Variants in SLC41A2 observed in about 807,000 individuals in gnomAD.
SLC41A2 encodes SLC41A1-like 1.
In SLC41A2, 32 loss-of-function variants were observed where a neutral mutation model predicts 58.3. The ratio of observed to expected loss-of-function variants is 0.55; its 90% CI spans 0.41 to 0.74. SLC41A2 has a LOEUF of 0.74. Ranked by LOEUF, SLC41A2 falls within the 30% of genes least tolerant of loss-of-function variation. The pLI is 0.00. For synonymous variants in SLC41A2, 190 were observed against 235.0 expected (o/e 0.81, Z 1.75); for missense variants, 514 against 680.6 (o/e 0.76, Z 2.72).
chr12:104,953,541 C>G (rs1373685509), intron 1 of SLC41A2, among the ~76,000 whole-genome samples: 9 of 152,212 alleles, frequency 5.9e-5, no homozygotes, highest in Admixed American at 5.9e-4. Flanking sequence ...CTTTCTTGGA[C>G]TTGCTGTGCC....
chr12:104,889,159 C>T lies in SLC41A2; in HGVS notation c.754G>A (p.Gly252Ser). Reference sequence around the variant, plus strand: ...ATTGCTGCCACAGCTGCTAGAAAACCCACTACTGTTGCCTGAACCTAAAAT... The same window carrying T: ...ATTGCTGCCACAGCTGCTAGAAAACTCACTACTGTTGCCTGAACCTAAAAT... ...ALKQVQATVV[G>S]FLAAVAAIIL... The change falls in exon 5 of 11, where the codon GGT (glycine) becomes AGT (serine). Residue 252 changes from glycine to serine, a missense_variant. By Grantham distance (56) the Gly-to-Ser change is moderately conservative. Transcript: ENST00000258538. 6.2e-7 allele frequency: 1 copy of T among 1,607,444 alleles called. No homozygotes were observed. The highest frequency in any genetic ancestry group is 8.5e-7 in the Non-Finnish European group (1 of 1,178,280).
chr12:104,886,589 T>C, intron 5 of SLC41A2, 150 bp from the exon 6 acceptor site: 2 of 784,256 alleles, frequency 2.6e-6, no homozygotes, highest in East Asian at 2.7e-5. Context: ...ACATTTACTC[T>C]AACGCTTTGG....
At chr12:104,902,132 G>T (rs758639775) in intron 3 of SLC41A2, among the ~76,000 whole-genome samples, 6 of 150,482 alleles carry the variant, frequency 4.0e-5, no homozygotes, top group Non-Finnish European at 8.9e-5. Flanking sequence ...TATTGTTTTT[G>T]CACATAAATG....
At chr12:104,909,185 T>C (rs967603724) in intron 3 of SLC41A2, among the ~76,000 whole-genome samples, 2 of 152,222 alleles carry the variant, frequency 1.3e-5, no homozygotes, top group East Asian at 1.9e-4. Context: ...TATATAAGCA[T>C]AGATATGCAG....
chr12:104,880,903 T>A (rs181207898), intron 6 of SLC41A2, among the ~76,000 whole-genome samples: 2 of 152,274 alleles, frequency 1.3e-5, no homozygotes, highest in African/African-American at 4.8e-5. Context: ...CCAGCTCCTC[T>A]CTGTACCTCT....
chr12:104,889,253 T>A, intron 4 of SLC41A2, 76 bp from the exon 5 acceptor site: 1 of 1,436,476 alleles, frequency 7.0e-7, no homozygotes, highest in Non-Finnish European at 9.4e-7. Context: ...ATGTAAATAT[T>A]ACTACAAAAA....
At chr12:104,814,862 T>C (rs1012630389) in intron 10 of SLC41A2, among the ~76,000 whole-genome samples, 1 of 152,228 alleles carries the variant, frequency 6.6e-6, no homozygotes, top group African/African-American at 2.4e-5. Context: ...ACCAGTTATA[T>C]TTGTCACTTC....
At chr12:104,955,096 TCCA>T (rs2048110639) in intron 1 of SLC41A2, among the ~76,000 whole-genome samples, 1 of 146,814 alleles carries the variant, frequency 6.8e-6, no homozygotes, top group Non-Finnish European at 1.5e-5. Flanking sequence ...CACTGCAACT[TCCA>T]CCACCTCCTG....
At chr12:104,844,291 TAATATA>T (rs1407693573) in intron 10 of SLC41A2, among the ~76,000 whole-genome samples, 175 bp downstream of exon 10, 1 of 152,206 alleles carries the variant, frequency 6.6e-6, no homozygotes, top group Non-Finnish European at 1.5e-5. Flanking sequence ...ATGAACCTAA[TAATATA>T]AATATTGATG....
chr12:104,868,574 G>A (rs78153705), intron 6 of SLC41A2, among the ~76,000 whole-genome samples: 1 of 152,108 alleles, frequency 6.6e-6, no homozygotes, highest in East Asian at 1.9e-4. Context: ...ACTTGACCCA[G>A]CAATTCTACT....
chr12:104,815,298 A>G (rs1470190207), intron 10 of SLC41A2, among the ~76,000 whole-genome samples: 1 of 152,202 alleles, frequency 6.6e-6, no homozygotes, highest in Non-Finnish European at 1.5e-5. Flanking sequence ...CACACTGAAC[A>G]CACCAAGGGT....
At position 104,940,035 on chromosome 12, in the gene SLC41A2, C is replaced by T. The variant is rs191386457; in HGVS notation, c.-167-11341G>A. On this transcript the variant is annotated intron_variant, in intron 1 of 10. Transcript: ENST00000258538. ...TATTATTATTATTTTTTTTTTGAGACGGAGTTTCACTCTTTTTGCCCAGGC... is the reference window on the plus strand; with the variant it reads ...TATTATTATTATTTTTTTTTTGAGATGGAGTTTCACTCTTTTTGCCCAGGC... 2.6e-4 allele frequency among the ~76,000 whole-genome samples: 39 copies of T among 151,266 alleles called. 1 individual carries two copies. The South Asian group carries it at 7.1e-3, about 28-fold the overall frequency.
At chr12:104,881,436 T>C (rs1245393788) in intron 6 of SLC41A2, among the ~76,000 whole-genome samples, 1 of 152,230 alleles carries the variant, frequency 6.6e-6, no homozygotes, top group Non-Finnish European at 1.5e-5. Context: ...TCTTTCCTGC[T>C]TTCTCCTGTG....
intron 10 of SLC41A2, among the ~76,000 whole-genome samples, chr12:104,811,144 T>C (rs1267252843): frequency 6.6e-6 from 1 of 152,196 alleles, no homozygotes; most frequent in Non-Finnish European, 1.5e-5. Context: ...TTCCTGTTGC[T>C]ACCCTAAGGA....
chr12:104,808,146 G>C (rs1454231310), intron 10 of SLC41A2, among the ~76,000 whole-genome samples: 2 of 152,128 alleles, frequency 1.3e-5, no homozygotes, highest in Admixed American at 6.5e-5. Flanking sequence ...TCTTGTGCCA[G>C]TTTTCAAAGG....
intron 10 of SLC41A2, among the ~76,000 whole-genome samples, chr12:104,832,593 C>T (rs2042077330): frequency 6.6e-6 from 1 of 152,120 alleles, no homozygotes; most frequent in African/African-American, 2.4e-5. Flanking sequence ...AATTTAATTT[C>T]CTTAACTCAA....
intron 6 of SLC41A2, among the ~76,000 whole-genome samples, chr12:104,882,209 G>A (rs1342010754): frequency 2.0e-5 from 3 of 151,762 alleles, no homozygotes; most frequent in African/African-American, 7.3e-5. Context: ...GCCTATGCAT[G>A]TCTCTGCACA....
At chr12:104,949,924 TGAGGGGAGGTGGG>T (rs1475634822) in intron 1 of SLC41A2, among the ~76,000 whole-genome samples, 1 of 151,764 alleles carries the variant, frequency 6.6e-6, no homozygotes, top group African/African-American at 2.4e-5. Context: ...TTAGAGAAAT[TGAGGGGAGGTGGG>T]GAGGGGAGAG....
intron 3 of SLC41A2, among the ~76,000 whole-genome samples, chr12:104,902,839 G>A (rs563570249): frequency 1.3e-4 from 20 of 152,208 alleles, no homozygotes; most frequent in Admixed American, 3.9e-4. Flanking sequence ...TTAACAGCCC[G>A]TAGAGTATCA....
Sources: gnomAD v4.1 joint callset for allele counts (sites outside exome capture counted in the v4.1 genomes callset) on GRCh38, gnomAD v4.1.1 for gene constraint, MANE v1.5 for transcripts, NCBI Gene and HGNC (gene_info 2026-07-23, HGNC 2026-07-21) for gene names.